Variants in ELMO1 observed in about 807,000 individuals in gnomAD.
The protein encoded by ELMO1 is engulfment and cell motility protein 1.
A neutral mutation model predicts 98.9 loss-of-function variants in ELMO1; 26 were observed. The ratio of observed to expected loss-of-function variants is 0.26; its 90% confidence interval spans 0.19 to 0.36. The LOEUF (loss-of-function observed/expected upper bound fraction) is 0.36. Among genes scored for constraint, ELMO1 ranks in the 10% least tolerant of loss-of-function variants. The pLI is 1.00. For missense variants in ELMO1, 627 were observed against 935.2 expected (o/e 0.67, Z 4.30); for synonymous variants, 346 against 346.0 (o/e 1.00, Z 0.00).
At chr7:36,897,179 T>TC (rs1806079377) in intron 16 of ELMO1, among the ~76,000 whole-genome samples, 1 of 152,108 alleles carries the variant, frequency 6.6e-6, no homozygotes, top group African/African-American at 2.4e-5. Context: ...TCAAAATCCT[T>TC]CCCCAGACTT....
intron 16 of ELMO1, among the ~76,000 whole-genome samples, chr7:36,976,734 G>A (rs1339318182): frequency 6.6e-6 from 1 of 152,214 alleles, no homozygotes; most frequent in Admixed American, 6.5e-5. Context: ...TGGTGTGAAA[G>A]CCACAGGTGC....
intron 16 of ELMO1, among the ~76,000 whole-genome samples, chr7:36,909,486 G>T (rs1784196813): frequency 6.6e-6 from 1 of 152,230 alleles, no homozygotes; most frequent in Non-Finnish European, 1.5e-5. Flanking sequence ...AGGAACTGTA[G>T]AAGCTAAAAA....
At chr7:37,387,823 C>T (rs1802874222) in intron 1 of ELMO1, among the ~76,000 whole-genome samples, 1 of 152,104 alleles carries the variant, frequency 6.6e-6, no homozygotes, top group Non-Finnish European at 1.5e-5. Flanking sequence ...CAAATTTATT[C>T]AACCATGGGA....
chr7:37,298,427 A>G (rs1355192430), intron 4 of ELMO1, among the ~76,000 whole-genome samples: 5 of 141,018 alleles, frequency 3.5e-5, no homozygotes, highest in Non-Finnish European at 6.1e-5. Context: ...AGCATTAGGT[A>G]TATCTCCCAA....
At chr7:37,303,116 A>AT (rs1232256053) in intron 4 of ELMO1, among the ~76,000 whole-genome samples, 1 of 152,146 alleles carries the variant, frequency 6.6e-6, no homozygotes, top group Non-Finnish European at 1.5e-5. Context: ...GATGTTCGTT[A>AT]TTCCATTAAA....
chr7:37,168,031 T>C lies in ELMO1; in HGVS notation c.1087-34797A>G, dbSNP rs573797082. On this transcript the variant is annotated intron_variant, in intron 13 of 21. Transcript: ENST00000310758. ...AGTCCCATATTTCTTGGAGGCTTTG[T>C]TCATTTCTTTTTATTCTTTTTTCTC... 8.7e-4 allele frequency among the ~76,000 whole-genome samples: 132 copies of C among 151,692 alleles called. 1 individual carries two copies. Among genetic ancestry groups the C allele is most frequent in the African/African-American group, 2.9e-3 (120 of 41,438 alleles).
At chr7:37,002,717 A>G (rs933997892) in intron 16 of ELMO1, among the ~76,000 whole-genome samples, 36 of 152,328 alleles carry the variant, frequency 2.4e-4, no homozygotes, top group South Asian at 1.7e-3. Flanking sequence ...TATTGACCCT[A>G]TTAACCAAGA....
intron 1 of ELMO1, chr7:37,343,011 G>A (rs867682037): frequency 3.4e-5 from 10 of 295,572 alleles, no homozygotes; most frequent in African/African-American, 1.3e-4. Context: ...TGTGGGGCAC[G>A]GCTTGCGCGA....
chr7:37,374,628 GT>G (rs1802254374), intron 1 of ELMO1, among the ~76,000 whole-genome samples: 2 of 152,080 alleles, frequency 1.3e-5, no homozygotes, highest in Non-Finnish European at 2.9e-5. Context: ...GCACGCACCT[GT>G]AGTCCCAGCT....
At chr7:36,877,394 C>A (rs1257747670) in intron 19 of ELMO1, among the ~76,000 whole-genome samples, 2 of 152,056 alleles carry the variant, frequency 1.3e-5, no homozygotes, top group South Asian at 4.2e-4. Flanking sequence ...CACCTGGTTC[C>A]CTGTGGGGCT....
chr7:36,950,131 GAAAACAA>G (rs72006243), intron 16 of ELMO1, among the ~76,000 whole-genome samples: 45,719 of 151,592 alleles, frequency 0.3, 6,942 homozygotes, highest in South Asian at 0.42. Flanking sequence ...AACAGACACA[GAAAACAA>G]GAAACAATGT....
At chr7:37,354,812 C>G (rs987985777) in intron 1 of ELMO1, among the ~76,000 whole-genome samples, 35 of 152,308 alleles carry the variant, frequency 2.3e-4, no homozygotes, top group African/African-American at 8.2e-4. Flanking sequence ...GGAGCATTTC[C>G]ACCATCCTGT....
In ELMO1 at chr7:36,853,280, C is replaced by T. The variant is rs190653914; in HGVS notation, c.*2271G>A. On this transcript the variant is annotated 3_prime_UTR_variant, in exon 22 of 22. Transcript: ENST00000310758. ...AAAAGGTTTCTTTCTATTAAATGCA[C>T]CAAAGCTGGAGTGCCAGAAGAGAGA... Among the ~76,000 whole-genome samples the T allele has an allele frequency of 1.2e-3, 183 of 152,232 alleles. No homozygotes were observed. The highest frequency in any genetic ancestry group is 1.3e-3 in the Non-Finnish European group (90 of 68,030).
chr7:37,229,252 G>C (rs1794033941), intron 8 of ELMO1, among the ~76,000 whole-genome samples: 5 of 151,982 alleles, frequency 3.3e-5, no homozygotes. Context: ...GTTATACTTG[G>C]CTAGGGAAAA....
At chr7:37,172,335 T>C (rs1328815943) in intron 13 of ELMO1, among the ~76,000 whole-genome samples, 3 of 151,350 alleles carry the variant, frequency 2.0e-5, no homozygotes, top group Non-Finnish European at 4.4e-5. Flanking sequence ...CATCTCAAAC[T>C]GAAGTCCTCT....
chr7:37,321,006 G>A (rs1377558409), intron 2 of ELMO1, among the ~76,000 whole-genome samples: 2 of 152,182 alleles, frequency 1.3e-5, no homozygotes, highest in African/African-American at 4.8e-5. Flanking sequence ...TGGCTTGGAA[G>A]AGCACTGAAC....
intron 21 of ELMO1, among the ~76,000 whole-genome samples, chr7:36,859,457 A>T (rs1802446665): frequency 6.6e-6 from 1 of 152,104 alleles, no homozygotes; most frequent in South Asian, 2.1e-4. Context: ...GCACAGGTGA[A>T]CCAGATTGGC....
intron 1 of ELMO1, among the ~76,000 whole-genome samples, chr7:37,363,407 A>T (rs1409136053): frequency 2.6e-5 from 4 of 152,114 alleles, no homozygotes; most frequent in Non-Finnish European, 5.9e-5. Context: ...CTCAAGCTCA[A>T]ATCCAAAGTC....
At chr7:37,217,787 A>G (rs1490465846) in intron 10 of ELMO1, 1 of 457,110 alleles carries the variant, frequency 2.2e-6, no homozygotes, top group Non-Finnish European at 4.4e-6. Flanking sequence ...ACAGAAAGGA[A>G]AGCAAGCAGG....
Sources: allele counts gnomAD v4.1 joint callset (sites outside exome capture counted in the v4.1 genomes callset), GRCh38; gene constraint gnomAD v4.1.1; transcripts MANE v1.5; gene names NCBI Gene and HGNC (gene_info 2026-07-23, HGNC 2026-07-21).